LDAH: variants seen among roughly 807,000 people sequenced by gnomAD.
LDAH encodes lipid droplet-associated hydrolase.
LDAH carries 26 observed loss-of-function variants against 29.6 expected under a neutral mutation model. The ratio of observed to expected loss-of-function variants is 0.88; its 90% confidence interval spans 0.64 to 1.22. LDAH has a LOEUF of 1.22. LDAH is among the 50% of genes most tolerant of loss of function. The pLI is 0.00. For synonymous variants in LDAH, 117 were observed against 133.0 expected (o/e 0.88, Z 0.83); for missense variants, 344 against 387.3 (o/e 0.89, Z 0.94).
rs201239016 is a variant in LDAH at position 20,710,643 on chromosome 2, GTATACATATATATACACATATATAT to G, written c.704-9016_704-8992del. Among the ~76,000 whole-genome samples the G allele has an allele frequency of 2.7e-3, 379 of 138,220 alleles. 1 individual carries two copies. Among genetic ancestry groups the G allele is most frequent in the East Asian group, 0.011 (54 of 4,882 alleles). The allele number at this position is 138,220 out of a possible 152,430, so 90.7% of individuals were successfully genotyped here. A position where few individuals can be genotyped will look rare whatever the true frequency, so the allele number is the denominator to read the frequency against. Reference sequence around the variant, plus strand: ...ATAGATATATATATATAGATATATAGTATACATATATATACACATATATATTATACATATATATACACATATATAT... The same window carrying G: ...ATAGATATATATATATAGATATATAGTATACATATATATACACATATATAT... On this transcript the variant is annotated intron_variant, in intron 5 of 6. Transcript: ENST00000237822.
In LDAH at chr2:20,774,821, G is replaced by A. The variant is rs779117013; in HGVS notation, c.457C>T (p.Pro153Ser). The A allele has an allele frequency of 4.3e-6, 7 of 1,612,716 alleles. No homozygotes were observed. Among genetic ancestry groups the A allele is most frequent in the Non-Finnish European group, 5.9e-6 (7 of 1,179,928 alleles). Residue 153 changes from proline (P) to serine (S), a missense_variant, in exon 4 of 7, where the codon CCT becomes TCT. Pro to Ser is a moderately conservative substitution (Grantham distance 74). Transcript: ENST00000237822. Reference sequence around the variant, plus strand: ...GGAGACCTACTTACCGGGAGCTCAGGGACTCGCTTCAGCATCTGAAGTGTG... The same window carrying A: ...GGAGACCTACTTACCGGGAGCTCAGAGACTCGCTTCAGCATCTGAAGTGTG... Reference protein sequence around the residue: ...YFTLQMLKRVPELPVIRAFLL... With the variant: ...YFTLQMLKRVSELPVIRAFLL...
At chr2:20,776,020 C>CGAGAA (rs1381770424) in intron 3 of LDAH, among the ~76,000 whole-genome samples, 1 of 152,102 alleles carries the variant, frequency 6.6e-6, no homozygotes, top group Non-Finnish European at 1.5e-5. Flanking sequence ...AATAGGTTTT[C>CGAGAA]CCTATGAACA....
chr2:20,761,477 A>G (rs1668686346), intron 4 of LDAH, among the ~76,000 whole-genome samples: 1 of 152,334 alleles, frequency 6.6e-6, no homozygotes, highest in South Asian at 2.1e-4. Context: ...GTTATATTCT[A>G]TCGGAGCAAT....
chr2:20,779,418 C>G (rs906988871), intron 3 of LDAH, among the ~76,000 whole-genome samples: 11 of 151,746 alleles, frequency 7.2e-5, no homozygotes, highest in African/African-American at 2.4e-4. Flanking sequence ...CCATAGCACA[C>G]GTATACCTAT....
At chr2:20,736,403 C>G (rs559898043) in intron 5 of LDAH, among the ~76,000 whole-genome samples, 6 of 152,156 alleles carry the variant, frequency 3.9e-5, no homozygotes, top group African/African-American at 1.4e-4. Flanking sequence ...GATTGAGCCA[C>G]TGCACCCTAG....
At chr2:20,756,783 A>G (rs1481498275) in intron 4 of LDAH, among the ~76,000 whole-genome samples, 2 of 152,232 alleles carry the variant, frequency 1.3e-5, no homozygotes, top group East Asian at 3.8e-4. Flanking sequence ...AAAAAATACA[A>G]GAGTTTTCAG....
intron 4 of LDAH, among the ~76,000 whole-genome samples, chr2:20,750,625 A>C (rs1253841007): frequency 6.6e-6 from 1 of 152,234 alleles, no homozygotes; most frequent in African/African-American, 2.4e-5. Flanking sequence ...GCATACAGCA[A>C]AGTTTGCATT....
At chr2:20,701,908 C>T (rs1308965988) in intron 5 of LDAH, among the ~76,000 whole-genome samples, 2 of 152,088 alleles carry the variant, frequency 1.3e-5, no homozygotes, top group Non-Finnish European at 2.9e-5. Flanking sequence ...GTGCCACAGC[C>T]CAATGTCAGA....
chr2:20,710,606 G>GTATATATATATATATATATA (rs1467339981), intron 5 of LDAH, among the ~76,000 whole-genome samples: 7 of 131,868 alleles, frequency 5.3e-5, no homozygotes, highest in African/African-American at 1.9e-4. Context: ...GTGTGTGTGT[G>GTATATATATATATATATATA]TATATATATA....
At chr2:20,797,526 T>C (rs1002274677) in intron 2 of LDAH, among the ~76,000 whole-genome samples, 4 of 152,088 alleles carry the variant, frequency 2.6e-5, no homozygotes, top group Admixed American at 2.6e-4. Context: ...TGCCCGAGAC[T>C]GTCATGGTTT....
Position 20,779,930 on chromosome 2 carries a change from A to G in LDAH, c.299-4951T>C, listed in dbSNP as rs1670075018. On this transcript the variant is annotated intron_variant, in intron 3 of 6. Coordinates refer to ENST00000237822, the MANE Select transcript of LDAH (RefSeq NM_021925.4). ...CAAAGATGTTGTGGGTTGATACTGA[A>G]TATCAGTGAATTGGCTCAATGAGAA... Among the ~76,000 whole-genome samples, 9 of 152,324 alleles carry G rather than the reference A, an allele frequency of 5.9e-5. No individual in the cohort carries two copies. In the South Asian group the frequency reaches 1.9e-3, roughly 32 times the overall value.
At position 20,698,557 on chromosome 2, in the gene LDAH, G is replaced by A. The variant is rs1663669573; in HGVS notation, c.786+3013C>T. 6.6e-6 allele frequency among the ~76,000 whole-genome samples: 1 copy of A among 152,064 alleles called. No individual in the cohort carries two copies. Among genetic ancestry groups the A allele is most frequent in the Admixed American group, 6.5e-5 (1 of 15,278 alleles). On this transcript the variant is annotated intron_variant, in intron 6 of 6. Transcript: ENST00000237822. This position sits in a 1 kb window ranked among gnomAD's most constrained non-coding sequence, Gnocchi z 4.4. ...TAGCTGGGTATGGTGGCGGGTACCT[G>A]TAATCCCAGCTACTCGGGAGGCTGA...
Position 20,740,184 on chromosome 2 carries a change from A to G in LDAH, c.490T>C (p.Phe164Leu), listed in dbSNP as rs1667077621. ...ELPVIRAFLLFPTIERMSESP... is the reference protein window; with the variant it reads ...ELPVIRAFLLLPTIERMSESP... ...TCAGACATTCGTTCAATTGTTGGAA[A>G]GAGCAGAAAGGCACGAATTACCTGC... The change falls in exon 5 of 7, where the codon TTT becomes CTT. Residue 164 changes from phenylalanine to leucine, a missense_variant. Coordinates refer to ENST00000237822, the MANE Select transcript of LDAH (RefSeq NM_021925.4). 1 of 1,613,896 alleles carries G rather than the reference A, an allele frequency of 6.2e-7. No homozygotes were observed. The highest frequency in any genetic ancestry group is 8.5e-7 in the Non-Finnish European group (1 of 1,179,906).
At chr2:20,694,806 A>C (rs939021037) in intron 6 of LDAH, among the ~76,000 whole-genome samples, 1 of 152,202 alleles carries the variant, frequency 6.6e-6, no homozygotes, top group Admixed American at 6.5e-5. Context: ...CGGTGTGCAG[A>C]GCAGCACTCT....
intron 6 of LDAH, among the ~76,000 whole-genome samples, chr2:20,697,065 A>G (rs532298599): frequency 6.6e-6 from 1 of 152,226 alleles, no homozygotes; most frequent in South Asian, 2.1e-4. Flanking sequence ...GTCAGCCTCA[A>G]ATATCTTTCT....
At chr2:20,731,831 T>C (rs1214887339) in intron 5 of LDAH, among the ~76,000 whole-genome samples, 1 of 151,910 alleles carries the variant, frequency 6.6e-6, no homozygotes, top group Non-Finnish European at 1.5e-5. Context: ...GTAGATTCCT[T>C]GGGATTGTCA....
At chr2:20,716,466 C>T (rs1196909074) in intron 5 of LDAH, among the ~76,000 whole-genome samples, 1 of 151,118 alleles carries the variant, frequency 6.6e-6, no homozygotes, top group Non-Finnish European at 1.5e-5. Context: ...TCCGAGCAAA[C>T]TATCACAAGG....
At chr2:20,712,567 G>A (rs1664849990) in intron 5 of LDAH, among the ~76,000 whole-genome samples, 1 of 152,188 alleles carries the variant, frequency 6.6e-6, no homozygotes, top group African/African-American at 2.4e-5. Context: ...GGCTTCTGAA[G>A]GTCGGTAATA....
chr2:20,750,370 G>A (rs1667890218), intron 4 of LDAH, among the ~76,000 whole-genome samples: 1 of 152,196 alleles, frequency 6.6e-6, no homozygotes, highest in African/African-American at 2.4e-5. Context: ...AGAGCTCAGA[G>A]AAAGGACAAC....
Sources: allele counts gnomAD v4.1 joint callset (sites outside exome capture counted in the v4.1 genomes callset), GRCh38; gene constraint gnomAD v4.1.1; non-coding constraint Gnocchi (gnomAD v3.1); transcripts MANE v1.5; gene names NCBI Gene and HGNC (gene_info 2026-07-23, HGNC 2026-07-21).